MTHFD1: variants seen among roughly 807,000 people sequenced by gnomAD.
The protein encoded by MTHFD1 is methylenetetrahydrofolate dehydrogenase, cyclohydrolase and formyltetrahydrofolate synthetase 1.
In MTHFD1, 44 loss-of-function variants were observed where a neutral mutation model predicts 110.3. The ratio of observed to expected loss-of-function variants is 0.40; its 90% CI spans 0.31 to 0.51. MTHFD1 has a LOEUF of 0.51. Among genes scored for constraint, MTHFD1 ranks in the 20% least tolerant of loss-of-function variants. The pLI, the probability that MTHFD1 is intolerant of heterozygous loss-of-function variation, is 0.60. For synonymous variants in MTHFD1, 402 were observed against 428.8 expected, an observed-to-expected ratio of 0.94 and a Z score of 0.77; for missense variants, 909 against 1,173.1, an observed-to-expected ratio of 0.77 and a Z score of 3.29.
chr14:64,437,622 C>T (rs3783726), intron 16 of MTHFD1, among the ~76,000 whole-genome samples: 27,214 of 152,186 alleles, frequency 0.18, 2,967 homozygotes, highest in East Asian at 0.36. Flanking sequence ...ACTTCAGACA[C>T]GAATCGCAAG....
chr14:64,446,450 T>C (rs536557184), intron 22 of MTHFD1, among the ~76,000 whole-genome samples: 3 of 152,334 alleles, frequency 2.0e-5, no homozygotes, highest in Admixed American at 1.3e-4. Flanking sequence ...AATTTTCCAA[T>C]GCTACAAGCA....
rs1566562184 is a variant in MTHFD1 at position 64,419,828 on chromosome 14, C to T, written c.630C>T (p.Asp210=). ...AHLDEEVNKG[D]ILVVATGQPE... is the part of the protein sequence containing the mutation. ...CCTACCCCTAGGTAAATAAAGGTGA[C>T]ATCCTGGTGGTTGCAACTGGTCAGC... The change falls in exon 8 of 28, where the codon GAC becomes GAT. Residue 210 remains aspartate, a synonymous_variant. Coordinates refer to ENST00000652337, the MANE Select transcript of MTHFD1 (RefSeq NM_005956.4). 1.9e-6 allele frequency: 3 copies of T among 1,613,134 alleles called. No homozygotes were observed. Among genetic ancestry groups the T allele is most frequent in the Non-Finnish European group, 2.5e-6 (3 of 1,179,238 alleles).
In MTHFD1 at chr14:64,445,739, C is replaced by T. The variant is rs536032343; in HGVS notation, c.2178+1005C>T. On this transcript the variant is annotated intron_variant, in intron 22 of 27. Transcript: ENST00000652337. The stretch of plus-strand genomic sequence containing the variant: ...TTCACAGTTCTGGCCCTCCTGCCAC[C>T]CCACAGCCTTTCCTGTGTCTAATTA... 1.7e-4 allele frequency among the ~76,000 whole-genome samples: 26 copies of T among 152,260 alleles called. No individual in the cohort carries two copies. In the East Asian group the frequency reaches 4.4e-3, roughly 26 times the overall value.
In MTHFD1 at chr14:64,406,499, T is replaced by TG. The variant is rs1328281464; in HGVS notation, c.127-4591_127-4590insG. Among the ~76,000 whole-genome samples the TG allele has an allele frequency of 6.1e-5, 9 of 148,554 alleles. No homozygotes were observed. The East Asian group carries it at 1.6e-3, about 26-fold the overall frequency. Reference sequence around the variant, plus strand: ...GCATTTTTTATTTGTGGTTTTTTTTTTTTTTTTTTTTGAGACAGGGTCTCA... The same window carrying TG: ...GCATTTTTTATTTGTGGTTTTTTTTTGTTTTTTTTTTTGAGACAGGGTCTCA... On this transcript the variant is annotated intron_variant, in intron 2 of 27. Coordinates refer to ENST00000652337, the MANE Select transcript of MTHFD1 (RefSeq NM_005956.4).
At position 64,439,318 on chromosome 14, in the gene MTHFD1, G is replaced by A; in HGVS notation, c.1674+146G>A. On this transcript the variant is annotated intron_variant, in intron 17 of 27. Coordinates refer to ENST00000652337, the MANE Select transcript of MTHFD1 (RefSeq NM_005956.4). ...TTAAAATGGAAGTGAGTAGGTGTGT[G>A]GCATTGAGCACTCCTGACAGCTTTT... 7.1e-6 allele frequency: 5 copies of A among 707,424 alleles called. No individual in the cohort carries two copies. The South Asian group carries it at 7.7e-5, about 11-fold the overall frequency. 43.8% of individuals were successfully genotyped at this position (707,424 alleles called of 1,614,324 possible). A position where few individuals can be genotyped will look rare whatever the true frequency, so the allele number is the denominator to read the frequency against.
chr14:64,397,247 CT>C (rs71123844), intron 1 of MTHFD1, among the ~76,000 whole-genome samples: 127 of 99,118 alleles, frequency 1.3e-3, no homozygotes, highest in African/African-American at 2.2e-3. Flanking sequence ...TAGAAGAAGA[CT>C]TTTTTTTTTT....
intron 27 of MTHFD1, 40 bp from the exon 28 acceptor site, chr14:64,459,715 GTGCT>G (rs71123851): frequency 1 from 1,481,428 of 1,481,612 alleles, 740,622 homozygotes; most frequent in Middle Eastern, 1. Flanking sequence ...AAACATTTCA[GTGCT>G]TGCTTAGAGA....
At chr14:64,405,692 G>T (rs998871483) in intron 2 of MTHFD1, among the ~76,000 whole-genome samples, 1 of 152,126 alleles carries the variant, frequency 6.6e-6, no homozygotes, top group African/African-American at 2.4e-5. Context: ...CAACCCTGGG[G>T]CCACTATAGT....
chr14:64,459,346 T>G (rs1366465330), intron 27 of MTHFD1, among the ~76,000 whole-genome samples: 1 of 152,112 alleles, frequency 6.6e-6, no homozygotes, highest in Non-Finnish European at 1.5e-5. Context: ...GTGGAACAGG[T>G]TGGGGGAGCA....
Position 64,388,432 on chromosome 14 carries a change from C to T in MTHFD1, c.5C>T (p.Ala2Val), listed in dbSNP as rs1350382413. 1.9e-6 allele frequency: 3 copies of T among 1,614,104 alleles called. No individual in the cohort carries two copies. The highest frequency in any genetic ancestry group is 1.1e-5 in the South Asian group (1 of 91,086). Residue 2 changes from alanine (A) to valine (V), a missense_variant, in exon 1 of 28, where the codon GCG becomes GTG. Ala to Val is a moderately conservative substitution (Grantham distance 64, BLOSUM62 0). Transcript: ENST00000652337. Reference protein sequence around the residue: MAPAEILNGKEI... With the variant: MVPAEILNGKEI... Reference sequence around the variant, plus strand: ...GGCAGCGGACTAATAAAGGCCATGGCGCCAGCAGAAATCCTGAACGGGAAG... The same window carrying T: ...GGCAGCGGACTAATAAAGGCCATGGTGCCAGCAGAAATCCTGAACGGGAAG...
intron 2 of MTHFD1, among the ~76,000 whole-genome samples, 179 bp downstream of exon 2, chr14:64,401,056 C>T (rs1459492129): frequency 6.6e-6 from 1 of 151,920 alleles, no homozygotes; most frequent in Non-Finnish European, 1.5e-5. Context: ...ATATCCTGGC[C>T]CTCTGCTCTT....
chr14:64,389,401 AT>A (rs1216415217), intron 1 of MTHFD1, among the ~76,000 whole-genome samples: 1 of 152,170 alleles, frequency 6.6e-6, no homozygotes, highest in Non-Finnish European at 1.5e-5. Context: ...TTTTGAGTGA[AT>A]TACAAAGTCA....
rs1404720257 is a variant in MTHFD1 at position 64,459,864 on chromosome 14, C to T, written c.*110C>T. ...TAAGCCAAGAGAAGTCAGCCCCTGCCCAGAAGATCTGAAACTAATAGTAGG... is the reference window on the plus strand; with the variant it reads ...TAAGCCAAGAGAAGTCAGCCCCTGCTCAGAAGATCTGAAACTAATAGTAGG... On this transcript the variant is annotated 3_prime_UTR_variant, in exon 28 of 28. Transcript: ENST00000652337. 1 of 1,536,010 alleles carries T rather than the reference C, an allele frequency of 6.5e-7. No individual in the cohort carries two copies. Among genetic ancestry groups the T allele is most frequent in the Non-Finnish European group, 8.7e-7 (1 of 1,146,824 alleles).
At chr14:64,437,115 C>T (rs1408334756) in intron 16 of MTHFD1, among the ~76,000 whole-genome samples, 1 of 151,736 alleles carries the variant, frequency 6.6e-6, no homozygotes, top group Non-Finnish European at 1.5e-5. Flanking sequence ...CTCCTTGACT[C>T]ATTTAGAGTA....
In MTHFD1 at chr14:64,438,754, A is replaced by C. The variant is rs183747184; in HGVS notation, c.1598-342A>C. ...TGAGTCATCATCCCACAGAACAACA[A>C]CACAAACCTCAGTCTTTTGAAAAAA... On this transcript the variant is annotated intron_variant, in intron 16 of 27. Transcript: ENST00000652337. Among the ~76,000 whole-genome samples the C allele has an allele frequency of 5.3e-3, 809 of 152,288 alleles. 7 individuals are homozygous for C. Among genetic ancestry groups the C allele is most frequent in the Middle Eastern group, 0.01 (3 of 294 alleles).
chr14:64,452,462 C>A (rs908162137), intron 24 of MTHFD1, among the ~76,000 whole-genome samples: 1 of 152,108 alleles, frequency 6.6e-6, no homozygotes, highest in African/African-American at 2.4e-5. Context: ...AATCTTAATG[C>A]CCTGAACTAG....
At chr14:64,422,261 G>A (rs1296329964) in intron 8 of MTHFD1, among the ~76,000 whole-genome samples, 1 of 152,074 alleles carries the variant, frequency 6.6e-6, no homozygotes, top group Non-Finnish European at 1.5e-5. Context: ...TTACAGACCA[G>A]CAAATGGGCT....
intron 1 of MTHFD1, chr14:64,388,700 G>A (rs1352546133): frequency 9.9e-6 from 6 of 603,442 alleles, no homozygotes; most frequent in Admixed American, 8.6e-5. Flanking sequence ...AAAGTCCTGT[G>A]CCGACTATGC....
chr14:64,444,557 A>T, intron 21 of MTHFD1, 136 bp from the exon 22 acceptor site: 3 of 974,334 alleles, frequency 3.1e-6, no homozygotes, highest in Non-Finnish European at 4.8e-6. Flanking sequence ...CTAAGTCCTT[A>T]GGGCAGGAAA....
Sources: allele counts gnomAD v4.1 joint callset (sites outside exome capture counted in the v4.1 genomes callset), GRCh38; gene constraint gnomAD v4.1.1; transcripts MANE v1.5; gene names NCBI Gene and HGNC (gene_info 2026-07-23, HGNC 2026-07-21).